The following TRDMT1 variants were observed in gnomAD, a reference collection of about 807,000 sequenced individuals.
TRDMT1 encodes the protein tRNA aspartic acid methyltransferase 1.
Under a neutral mutation model 51.2 loss-of-function variants are expected in TRDMT1, and 49 were observed. The ratio of observed to expected loss-of-function variants is 0.96; its 90% CI spans 0.76 to 1.21. The LOEUF (loss-of-function observed/expected upper bound fraction) is 1.21, where lower values mean the gene tolerates loss of function less well. TRDMT1 is among the 50% of genes most tolerant of loss of function. The pLI is 0.00. For missense variants in TRDMT1, 534 were observed against 462.3 expected (o/e 1.16, Z -1.42); for synonymous variants, 187 against 164.6 (o/e 1.14, Z -1.04).
intron 4 of TRDMT1, 107 bp from the exon 5 acceptor site, chr10:17,161,655 CT>C (rs1455272609): frequency 9.2e-6 from 6 of 649,966 alleles, no homozygotes; most frequent in African/African-American, 9.1e-5. Flanking sequence ...TTTCTGAACT[CT>C]TTTTAAAATG....
In TRDMT1 at chr10:17,141,153, G is replaced by C. The variant is rs1211644764; in HGVS notation, c.*7887C>G. 6.6e-6 allele frequency among the ~76,000 whole-genome samples: 1 copy of C among 152,020 alleles called. No homozygotes were observed. Among genetic ancestry groups the C allele is most frequent in the Non-Finnish European group, 1.5e-5 (1 of 67,976 alleles). On this transcript the variant is annotated 3_prime_UTR_variant, in exon 11 of 11. Transcript: ENST00000377799. ...CATGGCAACGTGTCATTTTTCTCCA[G>C]CTGCTTTTATTTATTTATTTATTTT...
chr10:17,148,107 G>A lies in TRDMT1; in HGVS notation c.*933C>T, dbSNP rs997135206. ...TATGATGCAAGACTTAGTTTGATTA[G>A]AAACCCTAATTCCAAGAGGTCTGCT... On this transcript the variant is annotated 3_prime_UTR_variant, in exon 11 of 11. Coordinates refer to ENST00000377799, the MANE Select transcript of TRDMT1 (RefSeq NM_004412.7). 1 of 985,318 alleles carries A rather than the reference G, an allele frequency of 1.0e-6. No homozygotes were observed. The highest frequency in any genetic ancestry group is 1.2e-6 in the Non-Finnish European group (1 of 829,918). 61.0% of individuals were successfully genotyped at this position (985,318 alleles called of 1,614,324 possible). A position where few individuals can be genotyped will look rare whatever the true frequency, so the allele number is the denominator to read the frequency against.
rs1029650715 is a variant in TRDMT1 at position 17,161,221 on chromosome 10, G to A, written c.389+262C>T. On this transcript the variant is annotated intron_variant, in intron 5 of 10. Coordinates refer to ENST00000377799, the MANE Select transcript of TRDMT1 (RefSeq NM_004412.7). Reference sequence around the variant, plus strand: ...CACCAATATAAATGACTAAAACTGAGAAATGCCATTCTTACCAACCACTTA... The same window carrying A: ...CACCAATATAAATGACTAAAACTGAAAAATGCCATTCTTACCAACCACTTA... Among the ~76,000 whole-genome samples, 9 of 152,110 alleles carry A rather than the reference G, an allele frequency of 5.9e-5. 1 individual carries two copies. The highest frequency in any genetic ancestry group is 3.9e-4 in the Admixed American group (6 of 15,276).
chr10:17,172,487 G>A (rs369269837), intron 2 of TRDMT1, among the ~76,000 whole-genome samples: 1 of 151,808 alleles, frequency 6.6e-6, no homozygotes, highest in East Asian at 1.9e-4. Context: ...GTGAGACCCT[G>A]CCTCTCCAAA....
Position 17,154,666 on chromosome 10 carries a change from A to T in TRDMT1, c.945+11T>A. 1 of 1,571,566 alleles carries T rather than the reference A, an allele frequency of 6.4e-7. No homozygotes were observed. Among genetic ancestry groups the T allele is most frequent in the Non-Finnish European group, 8.6e-7 (1 of 1,162,952 alleles). The stretch of plus-strand genomic sequence containing the variant: ...TTTTAAAGTGTTTTAGCTTTAAAAC[A>T]TGCATAGTACCTGCACATCCTCTGC... On this transcript the variant is annotated intron_variant, in intron 9 of 10. Coordinates refer to ENST00000377799, the MANE Select transcript of TRDMT1 (RefSeq NM_004412.7).
chr10:17,160,469 C>G (rs1160564419), intron 5 of TRDMT1, 95 bp from the exon 6 acceptor site: 1 of 900,822 alleles, frequency 1.1e-6, no homozygotes, highest in Non-Finnish European at 1.6e-6. Flanking sequence ...TGTTTGTTTT[C>G]TTGTTTTTTT....
chr10:17,199,395 G>A (rs1845861012), intron 1 of TRDMT1, among the ~76,000 whole-genome samples: 1 of 152,130 alleles, frequency 6.6e-6, no homozygotes, highest in South Asian at 2.1e-4. Flanking sequence ...AAAGTCTGGG[G>A]TTAGGGAGCA....
At position 17,157,423 on chromosome 10, in the gene TRDMT1, T is replaced by G; in HGVS notation, c.887+18A>C. The G allele has an allele frequency of 8.3e-6, 13 of 1,566,764 alleles. No homozygotes were observed. The highest frequency in any genetic ancestry group is 1.1e-5 in the Non-Finnish European group (13 of 1,153,578). On this transcript the variant is annotated intron_variant, in intron 8 of 10. Coordinates refer to ENST00000377799, the MANE Select transcript of TRDMT1 (RefSeq NM_004412.7). ...CTGGTTATTTTGGATACAGGATCAA[T>G]AGATCTTTAAAACCTACCCTTTGGT...
intron 1 of TRDMT1, among the ~76,000 whole-genome samples, chr10:17,190,599 T>C (rs1447020276): frequency 1.3e-5 from 2 of 152,350 alleles, no homozygotes; most frequent in Middle Eastern, 3.4e-3. Context: ...TGTTTTATCA[T>C]GTATTACAGA....
chr10:17,182,489 A>T (rs1220886168), intron 1 of TRDMT1, among the ~76,000 whole-genome samples: 1 of 152,208 alleles, frequency 6.6e-6, no homozygotes, highest in African/African-American at 2.4e-5. Context: ...CAAATTCCAA[A>T]CTGGCAAACA....
Position 17,157,804 on chromosome 10 carries a change from C to T in TRDMT1, c.544-20G>A, listed in dbSNP as rs759839513. On this transcript the variant is annotated intron_variant, in intron 7 of 10. Transcript: ENST00000377799. ...CAGTACCTGGCATTACATAAAAATA[C>T]ACAAATTGTCAAAAGTTGCATTAAA... is the stretch of plus-strand genomic sequence containing the variant. The T allele has an allele frequency of 1.3e-6, 2 of 1,507,892 alleles. No homozygotes were observed. The highest frequency in any genetic ancestry group is 2.2e-5 in the Admixed American group (1 of 45,882). 93.4% of individuals were successfully genotyped at this position (1,507,892 alleles called of 1,614,324 possible). A position where few individuals can be genotyped will look rare whatever the true frequency, so the allele number is the denominator to read the frequency against.
chr10:17,181,641 C>T (rs1229132580), intron 1 of TRDMT1, among the ~76,000 whole-genome samples: 2 of 151,334 alleles, frequency 1.3e-5, no homozygotes, highest in African/African-American at 4.9e-5. Flanking sequence ...TTATCTATCT[C>T]AATGCTCATT....
chr10:17,169,957 C>A (rs1434022230), intron 2 of TRDMT1, among the ~76,000 whole-genome samples: 1 of 152,168 alleles, frequency 6.6e-6, no homozygotes, highest in Non-Finnish European at 1.5e-5. Flanking sequence ...CCAGAACACA[C>A]GGGGCAGGGT....
At chr10:17,150,852 A>C (rs1389866470) in intron 10 of TRDMT1, 7 of 985,046 alleles carry the variant, frequency 7.1e-6, no homozygotes, top group Non-Finnish European at 7.2e-6. Context: ...AAAATTATTT[A>C]CTTCAAAGTA....
intron 1 of TRDMT1, among the ~76,000 whole-genome samples, chr10:17,197,065 A>G (rs1011542848): frequency 2.6e-5 from 4 of 152,092 alleles, no homozygotes; most frequent in Non-Finnish European, 5.9e-5. Flanking sequence ...GCTCCTGTTC[A>G]CCTAACCTGT....
At chr10:17,168,433 C>A (rs886151650) in intron 3 of TRDMT1, among the ~76,000 whole-genome samples, 1 of 152,164 alleles carries the variant, frequency 6.6e-6, no homozygotes, top group Non-Finnish European at 1.5e-5. Context: ...ACAGTATGAT[C>A]TGATTTAGTA....
chr10:17,194,445 T>C (rs1290070755), intron 1 of TRDMT1, among the ~76,000 whole-genome samples: 2 of 151,692 alleles, frequency 1.3e-5, no homozygotes, highest in African/African-American at 2.4e-5. Context: ...TAAAAGAAAC[T>C]TAAACAACTG....
At position 17,147,001 on chromosome 10, in the gene TRDMT1, T is replaced by C. The variant is rs1838171663; in HGVS notation, c.*2039A>G. ...ATTTAAGAATTCCACTAAGCTACAT[T>C]CTGTCTACCAGTTTGTAAGCAAATG... is the stretch of plus-strand genomic sequence containing the variant. On this transcript the variant is annotated 3_prime_UTR_variant, in exon 11 of 11. Coordinates refer to ENST00000377799, the MANE Select transcript of TRDMT1 (RefSeq NM_004412.7). The C allele has an allele frequency of 1.0e-6, 1 of 985,412 alleles. No homozygotes were observed. The highest frequency in any genetic ancestry group is 1.2e-6 in the Non-Finnish European group (1 of 829,924). 61.0% of individuals were successfully genotyped at this position (985,412 alleles called of 1,614,324 possible).
chr10:17,152,026 G>A (rs2131377023), intron 10 of TRDMT1: 1 of 1,300,886 alleles, frequency 7.7e-7, no homozygotes, highest in South Asian at 1.2e-5. Context: ...AAGCACTGAA[G>A]AAAAGCTGAG....
Sources: allele counts gnomAD v4.1 joint callset (sites outside exome capture counted in the v4.1 genomes callset), GRCh38; gene constraint gnomAD v4.1.1; transcripts MANE v1.5; gene names NCBI Gene and HGNC (gene_info 2026-07-23, HGNC 2026-07-21).